Variants in EPB41 observed in about 807,000 individuals in gnomAD.
EPB41 encodes the protein erythrocyte membrane protein band 4.1.
In EPB41, 65 loss-of-function variants were observed where a neutral mutation model predicts 108.0. The ratio of observed to expected loss-of-function variants is 0.60; its 90% CI spans 0.49 to 0.74. The LOEUF (loss-of-function observed/expected upper bound fraction) is 0.74, where lower values mean the gene tolerates loss of function less well. Ranked by LOEUF, EPB41 falls within the 30% of genes least tolerant of loss-of-function variation. The pLI is 0.00. For synonymous variants in EPB41, 336 were observed against 358.9 expected, an observed-to-expected ratio of 0.94 and a Z score of 0.72; for missense variants, 875 against 1,037.0, an observed-to-expected ratio of 0.84 and a Z score of 2.15.
At chr1:29,093,057 G>A (rs1016800246) in intron 16 of EPB41, among the ~76,000 whole-genome samples, 1 of 152,080 alleles carries the variant, frequency 6.6e-6, no homozygotes, top group Admixed American at 6.5e-5. Context: ...ATATTCCTTT[G>A]GGTATATACC....
intron 7 of EPB41, among the ~76,000 whole-genome samples, chr1:29,025,842 G>A (rs542340876): frequency 1.3e-5 from 2 of 151,484 alleles, no homozygotes; most frequent in Admixed American, 6.6e-5. Context: ...GAGTGGGTCC[G>A]TGGGTTGGAG....
At chr1:28,967,961 C>A (rs1434869023) in intron 1 of EPB41, among the ~76,000 whole-genome samples, 1 of 152,050 alleles carries the variant, frequency 6.6e-6, no homozygotes, top group Non-Finnish European at 1.5e-5. Context: ...TGCACCGCCA[C>A]GCCTGGCAAA....
chr1:29,051,838 T>C (rs1558158149), intron 11 of EPB41, among the ~76,000 whole-genome samples: 3 of 151,110 alleles, frequency 2.0e-5, no homozygotes, highest in Non-Finnish European at 4.4e-5. Flanking sequence ...GCGGAGATTC[T>C]AGTGAGCCGA....
In EPB41 at chr1:28,916,353, A is replaced by G. The variant is rs114053377; in HGVS notation, c.-8+1585A>G. 2.4e-4 allele frequency among the ~76,000 whole-genome samples: 37 copies of G among 152,302 alleles called. 1 individual carries two copies. Among genetic ancestry groups the G allele is most frequent in the Non-Finnish European group, 1.5e-4 (10 of 68,020 alleles). On this transcript the variant is annotated intron_variant, in intron 1 of 20. Coordinates refer to ENST00000343067, the MANE Select transcript of EPB41 (RefSeq NM_001376013.1). ...TCTTTGGCACTATTAAAAGTGAACTATGTCGGGCACGGTGGCTCACGCCTG... is the reference window on the plus strand; with the variant it reads ...TCTTTGGCACTATTAAAAGTGAACTGTGTCGGGCACGGTGGCTCACGCCTG...
chr1:29,024,938 A>G (rs1303487868), intron 7 of EPB41, among the ~76,000 whole-genome samples: 1 of 152,024 alleles, frequency 6.6e-6, no homozygotes, highest in African/African-American at 2.4e-5. Flanking sequence ...ACCCAAAGGA[A>G]CAATTTAATT....
chr1:28,961,130 A>G (rs892383128), intron 1 of EPB41, among the ~76,000 whole-genome samples: 1 of 151,678 alleles, frequency 6.6e-6, no homozygotes, highest in Admixed American at 6.6e-5. Context: ...GTATGTATCT[A>G]GAAGAATCAT....
Position 29,053,189 on chromosome 1 carries a change from C to G in EPB41, c.1722C>G (p.Val574=). The change falls in exon 12 of 21, where the codon GTC becomes GTG. Residue 574 remains valine, a synonymous_variant. Coordinates refer to ENST00000343067, the MANE Select transcript of EPB41 (RefSeq NM_001376013.1). ...ITQGQVAEGG[V]LDASAKKTVV... is the part of the protein sequence containing the mutation. ...AGGGTCAGGTTGCAGAAGGTGGCGTCCTAGATGCCTCTGCTAAAAAAACAG... is the reference window on the plus strand; with the variant it reads ...AGGGTCAGGTTGCAGAAGGTGGCGTGCTAGATGCCTCTGCTAAAAAAACAG... The G allele has an allele frequency of 6.2e-7, 1 of 1,614,116 alleles. No individual in the cohort carries two copies.
intron 11 of EPB41, among the ~76,000 whole-genome samples, chr1:29,048,371 C>T (rs909281887): frequency 2.0e-5 from 3 of 151,898 alleles, no homozygotes; most frequent in South Asian, 2.1e-4. Flanking sequence ...TGCACCACCA[C>T]GCCCGGCTAA....
intron 7 of EPB41, among the ~76,000 whole-genome samples, chr1:29,023,185 G>C (rs2096669088): frequency 6.6e-6 from 1 of 151,728 alleles, no homozygotes; most frequent in East Asian, 2.0e-4. Flanking sequence ...AGCAGAGACA[G>C]GGTTTCACCA....
chr1:29,093,377 G>C (rs1345207459), intron 16 of EPB41, among the ~76,000 whole-genome samples: 1 of 151,972 alleles, frequency 6.6e-6, no homozygotes, highest in Non-Finnish European at 1.5e-5. Context: ...ATGTCCTTTT[G>C]CCCATTTTTT....
intron 1 of EPB41, among the ~76,000 whole-genome samples, chr1:28,939,985 G>T (rs1571016967): frequency 6.6e-6 from 1 of 152,154 alleles, no homozygotes; most frequent in East Asian, 1.9e-4. Flanking sequence ...GTTAACAGTG[G>T]GTGGGCTGGA....
intron 1 of EPB41, among the ~76,000 whole-genome samples, chr1:28,938,386 G>A (rs1380830526): frequency 6.6e-6 from 1 of 151,966 alleles, no homozygotes; most frequent in African/African-American, 2.4e-5. Context: ...TCATTGATGG[G>A]TTATAGTTTT....
At chr1:28,918,640 A>C (rs2092854577) in intron 1 of EPB41, among the ~76,000 whole-genome samples, 1 of 151,458 alleles carries the variant, frequency 6.6e-6, no homozygotes, top group African/African-American at 2.4e-5. Flanking sequence ...AGCTAGGTGC[A>C]GTGGTTTATG....
chr1:28,946,301 G>A (rs547328551), intron 1 of EPB41, among the ~76,000 whole-genome samples: 1 of 152,174 alleles, frequency 6.6e-6, no homozygotes, highest in South Asian at 2.1e-4. Flanking sequence ...TGCTAAAGGG[G>A]TTTCACCGTG....
intron 7 of EPB41, among the ~76,000 whole-genome samples, chr1:29,023,099 A>G (rs2096667296): frequency 6.6e-6 from 1 of 151,608 alleles, no homozygotes; most frequent in Non-Finnish European, 1.5e-5. Flanking sequence ...GGTTCAAGTG[A>G]TTCTCGTGCC....
intron 11 of EPB41, chr1:29,041,152 TAAATAAA>T (rs1558122306): frequency 3.2e-3 from 376 of 116,260 alleles, no homozygotes; most frequent in African/African-American, 0.015. Context: ...ATAAATTAAA[TAAATAAA>T]TAAATAAATA....
upstream of EPB41, among the ~76,000 whole-genome samples, chr1:28,913,045 G>A (rs551766488): frequency 6.6e-6 from 1 of 152,252 alleles, no homozygotes; most frequent in African/African-American, 2.4e-5. Context: ...CATGATCCTA[G>A]CTCACTGTGG....
intron 16 of EPB41, chr1:29,069,530 A>T (rs1481850448): frequency 2.1e-6 from 2 of 941,152 alleles, no homozygotes; most frequent in Non-Finnish European, 2.7e-6. Context: ...TAAAATGTAT[A>T]AGATTAAGAT....
At chr1:28,961,201 A>G (rs2095200970) in intron 1 of EPB41, among the ~76,000 whole-genome samples, 1 of 152,158 alleles carries the variant, frequency 6.6e-6, no homozygotes, top group Admixed American at 6.5e-5. Flanking sequence ...AGAATTAGGC[A>G]AAAAACAAAG....
Sources: gnomAD v4.1 joint callset for allele counts (sites outside exome capture counted in the v4.1 genomes callset) on GRCh38, gnomAD v4.1.1 for gene constraint, MANE v1.5 for transcripts, NCBI Gene and HGNC (gene_info 2026-07-23, HGNC 2026-07-21) for gene names.